Variants in SORL1-AS1 observed in about 807,000 individuals in gnomAD.
The protein encoded by SORL1-AS1 is lncRNA 51 A.
rs1354408286 is a variant in SORL1-AS1 at position 121,450,305 on chromosome 11, G to T, written n.340-406C>A. Among the ~76,000 whole-genome samples, 1 of 152,118 alleles carries T rather than the reference G, an allele frequency of 6.6e-6. No individual in the cohort carries two copies. The highest frequency in any genetic ancestry group is 1.5e-5 in the Non-Finnish European group (1 of 68,024). ...GCTAAATGGGAGTAGAGATATCTTT[G>T]CTGCTGGTCCTGAGAGACCATGGGG... On this transcript the variant is annotated intron_variant and non_coding_transcript_variant, in intron 1 of 1. Transcript: ENST00000501964. The surrounding 1 kb of genome is among the most constrained non-coding windows in gnomAD (Gnocchi z 5.2).
exon 2 of SORL1-AS1, chr11:121,449,693 T>C (rs1330875605): frequency 6.6e-6 from 1 of 152,206 alleles, no homozygotes; most frequent in Non-Finnish European, 1.5e-5. Flanking sequence ...TTTATATACT[T>C]ACCTCATCTG....
chr11:121,439,323 C>A, the SORL1-AS1 span, among the ~76,000 whole-genome samples: 12 of 152,004 alleles, frequency 7.9e-5, no homozygotes, highest in Admixed American at 7.2e-4. Flanking sequence ...TCCCTGACGA[C>A]CAACAACGCT....
Position 121,452,735 on chromosome 11 carries a change from T to C in SORL1-AS1, n.279A>G. The C allele has an allele frequency of 1.1e-6, 1 of 896,956 alleles. No homozygotes were observed. Among genetic ancestry groups the C allele is most frequent in the African/African-American group, 1.8e-5 (1 of 56,814 alleles). The allele number at this position is 896,956 out of a possible 1,614,324, so 55.6% of individuals were successfully genotyped here. A position where few individuals can be genotyped will look rare whatever the true frequency, so the allele number is the denominator to read the frequency against. On this transcript the variant is annotated non_coding_transcript_exon_variant, in exon 1 of 2. Coordinates refer to ENST00000501964, the Ensembl canonical transcript of SORL1-AS1. This position sits in a 1 kb window ranked among gnomAD's most constrained non-coding sequence, Gnocchi z 5.3. The stretch of plus-strand genomic sequence containing the variant: ...CAGGCACCACTGGGGACTTCCCGGC[T>C]TGCATTTGTTTTTTTCCTTCACGAG...
intron 1 of SORL1-AS1, among the ~76,000 whole-genome samples, chr11:121,451,811 C>T (rs1860796951): frequency 6.6e-6 from 1 of 152,124 alleles, no homozygotes; most frequent in Non-Finnish European, 1.5e-5. Flanking sequence ...GGACTCTTCC[C>T]TGGAGGTGGG....
At chr11:121,451,481 A>G (rs1860792097) in intron 1 of SORL1-AS1, among the ~76,000 whole-genome samples, 1 of 152,200 alleles carries the variant, frequency 6.6e-6, no homozygotes, top group Non-Finnish European at 1.5e-5. Context: ...GAGGGATCAT[A>G]AGCAAGCCGC....
the SORL1-AS1 span, among the ~76,000 whole-genome samples, chr11:121,438,951 G>A: frequency 3.3e-5 from 5 of 152,296 alleles, no homozygotes; most frequent in South Asian, 2.1e-4. Context: ...GCTTGAACCC[G>A]GGAGGCAGAG....
the SORL1-AS1 span, among the ~76,000 whole-genome samples, chr11:121,439,279 G>A: frequency 6.6e-6 from 1 of 152,166 alleles, no homozygotes; most frequent in South Asian, 2.1e-4. Flanking sequence ...TGGCGGGTGT[G>A]TAGTGGTATC....
At chr11:121,447,499 G>A (rs930713384) in exon 2 of SORL1-AS1, 1 of 151,918 alleles carries the variant, frequency 6.6e-6, no homozygotes, top group African/African-American at 2.4e-5. Context: ...TTTTTGTAGA[G>A]GTGGGGTTTC....
chr11:121,440,580 G>A, the SORL1-AS1 span, among the ~76,000 whole-genome samples: 1 of 152,196 alleles, frequency 6.6e-6, no homozygotes, highest in Non-Finnish European at 1.5e-5. Context: ...GTGGGTCACA[G>A]AAACTAGAAT....
rs1860822078 is a variant in SORL1-AS1 at position 121,452,636 on chromosome 11, G to T, written n.339+39C>A. On this transcript the variant is annotated intron_variant and non_coding_transcript_variant, in intron 1 of 1. Coordinates refer to ENST00000501964, the Ensembl canonical transcript of SORL1-AS1. This position sits in a 1 kb window ranked among gnomAD's most constrained non-coding sequence, Gnocchi z 5.3. The stretch of plus-strand genomic sequence containing the variant: ...GGACAGGTGAGCAGTTTTGCAACCC[G>T]CCTCCCTCCAGTTTTTTCCTCTCCC... 1 of 1,439,228 alleles carries T rather than the reference G, an allele frequency of 6.9e-7. No homozygotes were observed. Among genetic ancestry groups the T allele is most frequent in the Non-Finnish European group, 9.1e-7 (1 of 1,099,318 alleles). The allele number at this position is 1,439,228 out of a possible 1,614,324, so 89.2% of individuals were successfully genotyped here.
At chr11:121,446,854 G>A (rs758109021), downstream of SORL1-AS1, among the ~76,000 whole-genome samples, 6 of 152,076 alleles carry the variant, frequency 3.9e-5, no homozygotes, top group Non-Finnish European at 8.8e-5. Context: ...GAGTGCAGAG[G>A]CATCTGCTGA....
exon 2 of SORL1-AS1, chr11:121,448,527 T>G (rs1438034255): frequency 6.6e-6 from 1 of 152,178 alleles, no homozygotes; most frequent in Non-Finnish European, 1.5e-5. Context: ...CTGGTCTGGT[T>G]GCGTGACTCA....
chr11:121,449,672 T>G (rs983722537), exon 2 of SORL1-AS1: 7 of 152,382 alleles, frequency 4.6e-5, no homozygotes, highest in Non-Finnish European at 7.3e-5. Context: ...CACACAAATT[T>G]GCACAGCTAT....
chr11:121,442,686 T>TTTA (rs1485842498), downstream of SORL1-AS1, among the ~76,000 whole-genome samples: 1 of 142,796 alleles, frequency 7.0e-6, no homozygotes, highest in African/African-American at 2.8e-5. Context: ...TATTTATTTA[T>TTTA]TTATTTTTTT....
chr11:121,452,408 C>T lies in SORL1-AS1; in HGVS notation n.339+267G>A, dbSNP rs1860813876. 1 of 1,528,192 alleles carries T rather than the reference C, an allele frequency of 6.5e-7. No individual in the cohort carries two copies. The highest frequency in any genetic ancestry group is 8.8e-7 in the Non-Finnish European group (1 of 1,140,960). The allele number at this position is 1,528,192 out of a possible 1,614,324, so 94.7% of individuals were successfully genotyped here. On this transcript the variant is annotated intron_variant and non_coding_transcript_variant, in intron 1 of 1. Coordinates refer to ENST00000501964, the Ensembl canonical transcript of SORL1-AS1. This position sits in a 1 kb window ranked among gnomAD's most constrained non-coding sequence, Gnocchi z 5.3. ...CTGGTCGCACTGCTGCCGCCCGGAG[C>T]TCTCTGCGAAGTCTGGACGCAGAGG...
At position 121,450,407 on chromosome 11, in the gene SORL1-AS1, T is replaced by G. The variant is rs1860774924; in HGVS notation, n.340-508A>C. 6.6e-6 allele frequency among the ~76,000 whole-genome samples: 1 copy of G among 152,116 alleles called. No individual in the cohort carries two copies. The highest frequency in any genetic ancestry group is 2.4e-5 in the African/African-American group (1 of 41,422). ...GGGGTGGGAGGTGACAGTGGTTCAG[T>G]GGCTTTCTTGGAGGATGCATGATTG... On this transcript the variant is annotated intron_variant and non_coding_transcript_variant, in intron 1 of 1. Coordinates refer to ENST00000501964, the Ensembl canonical transcript of SORL1-AS1. The surrounding 1 kb of genome is among the most constrained non-coding windows in gnomAD (Gnocchi z 5.2).
the SORL1-AS1 span, among the ~76,000 whole-genome samples, chr11:121,441,577 CCTTGCAGGTAGGTGTGACT>C: frequency 2.7e-5 from 4 of 149,432 alleles, no homozygotes; most frequent in Non-Finnish European, 5.9e-5. Flanking sequence ...TCCCAGCATC[CCTTGCAGGTAGGTGTGACT>C]ATGAGACTAA....
At chr11:121,444,852 C>T (rs1245904144), downstream of SORL1-AS1, among the ~76,000 whole-genome samples, 1 of 152,160 alleles carries the variant, frequency 6.6e-6, no homozygotes, top group Non-Finnish European at 1.5e-5. Flanking sequence ...TTTTCATTTA[C>T]ATAATGTTAG....
the SORL1-AS1 span, among the ~76,000 whole-genome samples, chr11:121,438,880 G>T: frequency 6.6e-6 from 1 of 152,290 alleles, no homozygotes; most frequent in East Asian, 1.9e-4. Context: ...ACAAAAATTA[G>T]CCAGGTGTGG....
Sources: allele counts gnomAD v4.1 joint callset (sites outside exome capture counted in the v4.1 genomes callset), GRCh38; gene constraint gnomAD v4.1.1; non-coding constraint Gnocchi (gnomAD v3.1); transcripts MANE v1.5; gene names NCBI Gene and HGNC (gene_info 2026-07-23, HGNC 2026-07-21).